DCUN1D1: variants seen among roughly 807,000 people sequenced by gnomAD.
DCUN1D1 encodes defective in cullin neddylation 1 domain containing 1, also known as DCN1-like protein 1.
Under a neutral mutation model 39.0 loss-of-function variants are expected in DCUN1D1, and 3 were observed. That is an observed-to-expected ratio of 0.08 (90% CI 0.04 to 0.20). The LOEUF (loss-of-function observed/expected upper bound fraction) is 0.20. Among genes scored for constraint, DCUN1D1 ranks in the 10% least tolerant of loss-of-function variants. The pLI is 1.00. For synonymous variants in DCUN1D1, 82 were observed against 96.3 expected (o/e 0.85, Z 0.87); for missense variants, 158 against 302.4 (o/e 0.52, Z 3.54).
At chr3:182,978,592 C>CA in intron 1 of DCUN1D1, among the ~76,000 whole-genome samples, 1 of 152,266 alleles carries the variant, frequency 6.6e-6, no homozygotes, top group Middle Eastern at 3.4e-3. Context: ...AGGCTGGTCT[C>CA]AAACTCCTAG....
At chr3:182,977,444 C>CTT (rs1206988964) in intron 1 of DCUN1D1, among the ~76,000 whole-genome samples, 69 of 147,296 alleles carry the variant, frequency 4.7e-4, no homozygotes, top group African/African-American at 1.6e-3. Flanking sequence ...GTTTTGAACA[C>CTT]TTTTTTTTTT....
chr3:182,951,622 A>ACC (rs1560164566), intron 4 of DCUN1D1, among the ~76,000 whole-genome samples: 3 of 125,120 alleles, frequency 2.4e-5, no homozygotes, highest in African/African-American at 1.4e-4. Context: ...TCTCCCAAAA[A>ACC]AAAAAAAAAA....
At chr3:182,969,425 T>G (rs1468125978) in intron 1 of DCUN1D1, among the ~76,000 whole-genome samples, 2 of 152,202 alleles carry the variant, frequency 1.3e-5, no homozygotes, top group African/African-American at 2.4e-5. Context: ...AGAGGGTGGA[T>G]AGAAAATTGA....
rs551092072 is a variant in DCUN1D1, at chr3:182,960,000, G to A, written c.520+1226C>T. On this transcript the variant is annotated intron_variant, in intron 4 of 6. Transcript: ENST00000292782. ...TTGACCTTGTCTGCCACGTGATGAT[G>A]CAGCATAAAAGCCCTCTGCAGAAGC... is the stretch of plus-strand genomic sequence containing the variant. 2.0e-5 allele frequency among the ~76,000 whole-genome samples: 3 copies of A among 152,254 alleles called. No homozygotes were observed. The South Asian group carries it at 6.2e-4, about 32-fold the overall frequency.
intron 2 of DCUN1D1, among the ~76,000 whole-genome samples, chr3:182,964,436 C>T (rs1306654463): frequency 6.6e-6 from 1 of 152,008 alleles, no homozygotes; most frequent in Non-Finnish European, 1.5e-5. Flanking sequence ...GTTCATTTTA[C>T]CACAACAATT....
intron 1 of DCUN1D1, among the ~76,000 whole-genome samples, chr3:182,979,147 A>C (rs1728388177): frequency 6.6e-6 from 1 of 152,224 alleles, no homozygotes; most frequent in Non-Finnish European, 1.5e-5. Flanking sequence ...CTGTAATACT[A>C]ATCTATACAT....
At chr3:182,975,516 C>T (rs1244687732) in intron 1 of DCUN1D1, among the ~76,000 whole-genome samples, 1 of 151,926 alleles carries the variant, frequency 6.6e-6, no homozygotes, top group African/African-American at 2.4e-5. Context: ...AACTTTCTTA[C>T]TATATGCACC....
At chr3:182,980,676 GCCCCGCGCGGGGCTTC>G (rs1728504028), upstream of DCUN1D1, 4 of 716,824 alleles carry the variant, frequency 5.6e-6, no homozygotes, top group Non-Finnish European at 5.2e-6. Context: ...GGCGGAGGGC[GCCCCGCGCGGGGCTTC>G]CCCCGGGCGC....
Position 182,975,175 on chromosome 3 carries a change from A to ATTT in DCUN1D1, c.3+5309_3+5311dup, listed in dbSNP as rs769384130. 2.0e-3 allele frequency among the ~76,000 whole-genome samples: 282 copies of ATTT among 138,668 alleles called. 2 individuals are homozygous for ATTT. Among genetic ancestry groups the ATTT allele is most frequent in the African/African-American group, 6.6e-3 (246 of 37,302 alleles). The allele number at this position is 138,668 out of a possible 152,430, so 91.0% of individuals were successfully genotyped here. ...ACTTTTTTAAAAAAATTAACACAGA[A>ATTT]TTTTTTTTTTTTTTTTTTTGAGACA... On this transcript the variant is annotated intron_variant, in intron 1 of 6. Transcript: ENST00000292782.
chr3:182,948,277 C>A (rs1488074568), intron 4 of DCUN1D1, among the ~76,000 whole-genome samples: 1 of 152,148 alleles, frequency 6.6e-6, no homozygotes, highest in African/African-American at 2.4e-5. Flanking sequence ...AAATACTGAT[C>A]TAAAACTTAA....
chr3:182,953,790 T>C lies in DCUN1D1; in HGVS notation c.521-6158A>G, dbSNP rs142117271. On this transcript the variant is annotated intron_variant, in intron 4 of 6. Transcript: ENST00000292782. ...AGAAAAAGAAATAACTAAGTCCTAA[T>C]AACAAGCTATTGCATAAAATTGAGA... is the stretch of plus-strand genomic sequence containing the variant. 3.2e-3 allele frequency among the ~76,000 whole-genome samples: 481 copies of C among 152,272 alleles called. 4 individuals are homozygous for C. Among genetic ancestry groups the C allele is most frequent in the African/African-American group, 0.011 (462 of 41,570 alleles).
At position 182,942,599 on chromosome 3, in the gene DCUN1D1, T is replaced by C. The variant is rs1726187894; in HGVS notation, c.*2495A>G. The stretch of plus-strand genomic sequence containing the variant: ...TTTGGCAAAAAGGAAACTGTACCTA[T>C]GGTTCAGTTTAAAACAAAGAATCAG... On this transcript the variant is annotated 3_prime_UTR_variant, in exon 7 of 7. Transcript: ENST00000292782. 6.6e-6 allele frequency: 1 copy of C among 151,654 alleles called. No homozygotes were observed. Among genetic ancestry groups the C allele is most frequent in the African/African-American group, 2.4e-5 (1 of 41,284 alleles). 9.4% of individuals were successfully genotyped at this position (151,654 alleles called of 1,614,324 possible). A position where few individuals can be genotyped will look rare whatever the true frequency, so the allele number is the denominator to read the frequency against.
chr3:182,964,047 G>A lies in DCUN1D1; in HGVS notation c.223C>T (p.Pro75Ser), dbSNP rs374689513. Residue 75 changes from proline to serine, a missense_variant and splice_region_variant, in exon 3 of 7, where the codon CCT (proline) becomes TCT (serine). By Grantham distance (74) the Pro-to-Ser change is moderately conservative (BLOSUM62 -1). Transcript: ENST00000292782. The part of the protein sequence containing the change: ...LEQLYNRYKD[P>S]QDENKIGIDG... ...ATTCCAATTTTATTCTCATCTTGAG[G>A]GTCTTTAAAAATAACAATGCAATAT... The A allele has an allele frequency of 1.7e-5, 28 of 1,606,900 alleles. 1 individual carries two copies. In the South Asian group the frequency reaches 2.8e-4, roughly 16 times the overall value.
intron 1 of DCUN1D1, among the ~76,000 whole-genome samples, chr3:182,976,613 C>A (rs757598317): frequency 6.6e-6 from 1 of 152,160 alleles, no homozygotes; most frequent in African/African-American, 2.4e-5. Context: ...AACCCTACTT[C>A]CATCAATGCC....
chr3:182,951,535 G>T (rs574598542), intron 4 of DCUN1D1, among the ~76,000 whole-genome samples: 6 of 142,370 alleles, frequency 4.2e-5, no homozygotes, highest in African/African-American at 1.5e-4. Flanking sequence ...AAGAGTGATG[G>T]AGCCCAGGAG....
chr3:182,966,823 T>C lies in DCUN1D1; in HGVS notation c.4-1070A>G, dbSNP rs568381575. Among the ~76,000 whole-genome samples, 4 of 152,284 alleles carry C rather than the reference T, an allele frequency of 2.6e-5. No individual in the cohort carries two copies. In the South Asian group the frequency reaches 8.3e-4, roughly 32 times the overall value. On this transcript the variant is annotated intron_variant, in intron 1 of 6. Coordinates refer to ENST00000292782, the MANE Select transcript of DCUN1D1 (RefSeq NM_020640.4). ...CATGAATAGACACAATATTCTGTGG[T>C]TGGCTGGGCACAGTGGCTCACGCCT...
In DCUN1D1 at chr3:182,944,078, T is replaced by C. The variant is rs1400779248; in HGVS notation, c.*1016A>G. 6.6e-6 allele frequency: 1 copy of C among 152,608 alleles called. No homozygotes were observed. The highest frequency in any genetic ancestry group is 1.5e-5 in the Non-Finnish European group (1 of 68,018). The allele number at this position is 152,608 out of a possible 1,614,324, so 9.5% of individuals were successfully genotyped here. On this transcript the variant is annotated 3_prime_UTR_variant, in exon 7 of 7. Transcript: ENST00000292782. The stretch of plus-strand genomic sequence containing the variant: ...AACTTCATGGCTCATTACAACCATT[T>C]TCAAAATTTAACTGCAACTATCTTC...
intron 1 of DCUN1D1, among the ~76,000 whole-genome samples, chr3:182,967,515 T>C (rs1727732953): frequency 6.6e-6 from 1 of 152,188 alleles, no homozygotes; most frequent in Non-Finnish European, 1.5e-5. Context: ...AAAATATCTA[T>C]GCTCTAGAAT....
chr3:182,947,452 C>T, intron 5 of DCUN1D1, 98 bp downstream of exon 5: 1 of 1,088,016 alleles, frequency 9.2e-7, no homozygotes, highest in African/African-American at 1.6e-5. Context: ...TTCTGGTAAT[C>T]AAATTTCTCA....
Sources: gnomAD v4.1 joint callset for allele counts (sites outside exome capture counted in the v4.1 genomes callset) on GRCh38, gnomAD v4.1.1 for gene constraint, MANE v1.5 for transcripts, NCBI Gene and HGNC (gene_info 2026-07-23, HGNC 2026-07-21) for gene names.